The following GRIA3 variants were observed in gnomAD, a reference collection of about 807,000 sequenced individuals.
GRIA3 encodes glutamate ionotropic receptor AMPA type subunit 3.
In GRIA3, 3 loss-of-function variants were observed where a neutral mutation model predicts 63.0. The ratio of observed to expected loss-of-function variants is 0.05; its 90% CI spans 0.02 to 0.12. The LOEUF (loss-of-function observed/expected upper bound fraction) is 0.12. GRIA3 is among the 10% of genes least tolerant of loss of function. GRIA3 has a pLI of 1.00. For missense variants in GRIA3, 347 were observed against 700.9 expected, an observed-to-expected ratio of 0.50 and a Z score of 5.70; for synonymous variants, 274 against 257.9, an observed-to-expected ratio of 1.06 and a Z score of -0.60.
chrX:123,344,665 G>C (rs775604010), intron 4 of GRIA3, among the ~76,000 whole-genome samples: 1 of 111,480 alleles, frequency 9.0e-6, no homozygotes, highest in South Asian at 3.9e-4. Flanking sequence ...GGAGAGTCCT[G>C]GTTAAAACAA....
chrX:123,455,940 T>A (rs1207074875), intron 12 of GRIA3, among the ~76,000 whole-genome samples: 1 of 111,682 alleles, frequency 9.0e-6, no homozygotes, highest in East Asian at 2.8e-4. Context: ...ATTTCTGTAT[T>A]GGAGACTCTT....
chrX:123,412,873 T>C (rs924050728), intron 10 of GRIA3, among the ~76,000 whole-genome samples: 1 of 109,165 alleles, frequency 9.2e-6, no homozygotes, highest in Non-Finnish European at 1.9e-5. Flanking sequence ...CTCCAAAACA[T>C]AGACAAATTC....
At chrX:123,320,028 T>C (rs1486517739) in intron 3 of GRIA3, among the ~76,000 whole-genome samples, 1 of 111,561 alleles carries the variant, frequency 9.0e-6, no homozygotes, top group East Asian at 2.8e-4. Context: ...CTTCCTAGGG[T>C]AACTGTAATG....
At position 123,482,978 on chromosome X, in the gene GRIA3, C is replaced by A; in HGVS notation, c.2619C>A (p.Asn873Lys). The A allele has an allele frequency of 8.3e-7, 1 of 1,204,799 alleles. No individual in the cohort carries two copies. Among genetic ancestry groups the A allele is most frequent in the Non-Finnish European group, 1.1e-6 (1 of 889,193 alleles). The change falls in exon 15 of 16, where the codon AAC becomes AAA. Residue 873 changes from asparagine to lysine, a missense_variant. This residue lies in a region of GRIA3 where 29 missense variants were observed against 46.7 expected (regional missense o/e 0.62). Coordinates refer to ENST00000620443, the MANE Select transcript of GRIA3 (RefSeq NM_007325.5). Reference sequence around the variant, plus strand: ...ACTTTAAGCCTGCTCCTGCCACCAACACTCAGAATTATGCTACATACAGAG... The same window carrying A: ...ACTTTAAGCCTGCTCCTGCCACCAAAACTCAGAATTATGCTACATACAGAG... ...TQNFKPAPAT[N>K]TQNYATYREG...
intron 3 of GRIA3, among the ~76,000 whole-genome samples, chrX:123,273,894 T>C (rs1481026242): frequency 8.9e-6 from 1 of 112,234 alleles, no homozygotes; most frequent in Non-Finnish European, 1.9e-5. Flanking sequence ...TGCTGATTAA[T>C]GGCTCAATAT....
At position 123,449,423 on chromosome X, in the gene GRIA3, A is replaced by T. The variant is rs777535654; in HGVS notation, c.2077-15442A>T. Among the ~76,000 whole-genome samples, 4 of 112,343 alleles carry T rather than the reference A, an allele frequency of 3.6e-5. No individual in the cohort carries two copies. The South Asian group carries it at 1.5e-3, about 42-fold the overall frequency. ...AAGATTAGTGGAACCTAATCATTTC[A>T]TGAAGTCAACCTCACTTGCTGCACT... On this transcript the variant is annotated intron_variant, in intron 12 of 15. Transcript: ENST00000620443.
At chrX:123,190,465 G>A (rs1180863739) in intron 2 of GRIA3, among the ~76,000 whole-genome samples, 1 of 110,762 alleles carries the variant, frequency 9.0e-6, no homozygotes, top group African/African-American at 3.3e-5. Flanking sequence ...GGCGGGGGAG[G>A]GAAGAAGCTG....
At chrX:123,426,151 G>A (rs1232168012) in intron 11 of GRIA3, among the ~76,000 whole-genome samples, 2 of 111,459 alleles carry the variant, frequency 1.8e-5, no homozygotes, top group Non-Finnish European at 3.8e-5. Flanking sequence ...CTGGGCATGG[G>A]AGAACATAGC....
intron 5 of GRIA3, among the ~76,000 whole-genome samples, chrX:123,363,368 A>T (rs2045189478): frequency 8.9e-6 from 1 of 112,686 alleles, no homozygotes; most frequent in South Asian, 3.7e-4. Flanking sequence ...ACTCCACATC[A>T]TACCTTGAAA....
At chrX:123,353,325 G>A (rs143835625) in intron 4 of GRIA3, among the ~76,000 whole-genome samples, 1,355 of 111,927 alleles carry the variant, frequency 0.012, 22 homozygotes, top group African/African-American at 0.042. Flanking sequence ...GAGGCAAATG[G>A]ACCCAGATTC....
chrX:123,216,811 G>C (rs1928170002), intron 2 of GRIA3, among the ~76,000 whole-genome samples: 1 of 111,641 alleles, frequency 9.0e-6, no homozygotes. Context: ...GATTTTCTTC[G>C]AGAAATGTGT....
At chrX:123,431,947 C>CT (rs199892354) in intron 12 of GRIA3, among the ~76,000 whole-genome samples, 2 of 107,680 alleles carry the variant, frequency 1.9e-5, no homozygotes, top group East Asian at 2.9e-4. Flanking sequence ...TATAGATTTA[C>CT]TTTTTTTTTT....
rs748287515 is a variant in GRIA3, at chrX:123,259,511, G to GCA, written c.508+5970_508+5971insAC. Reference sequence around the variant, plus strand: ...TCTCTCTACACACACACTCATGCGCGCGCACACACACACACACACCTCAAT... The same window carrying GCA: ...TCTCTCTACACACACACTCATGCGCGCACGCACACACACACACACACCTCAAT... On this transcript the variant is annotated intron_variant, in intron 3 of 15. Coordinates refer to ENST00000620443, the MANE Select transcript of GRIA3 (RefSeq NM_007325.5). Among the ~76,000 whole-genome samples, 169 of 107,285 alleles carry GCA rather than the reference G, an allele frequency of 1.6e-3. 1 individual carries two copies. Among genetic ancestry groups the GCA allele is most frequent in the Non-Finnish European group, 2.8e-3 (145 of 51,731 alleles). 93.2% of individuals were successfully genotyped at this position (107,285 alleles called of 115,157 possible).
chrX:123,277,386 T>C (rs2044560996), intron 3 of GRIA3, among the ~76,000 whole-genome samples: 1 of 111,575 alleles, frequency 9.0e-6, no homozygotes, highest in Non-Finnish European at 1.9e-5. Context: ...TCCTACAAAC[T>C]TTTCAGCAGA....
At chrX:123,456,824 G>A (rs1373068475) in intron 12 of GRIA3, among the ~76,000 whole-genome samples, 1 of 111,583 alleles carries the variant, frequency 9.0e-6, no homozygotes, top group Non-Finnish European at 1.9e-5. Context: ...GAATGTTAGA[G>A]AAGGCACACA....
At chrX:123,240,136 C>G (rs1402263449) in intron 2 of GRIA3, among the ~76,000 whole-genome samples, 3 of 111,330 alleles carry the variant, frequency 2.7e-5, no homozygotes, top group Non-Finnish European at 5.7e-5. Flanking sequence ...GCAGTGCAAC[C>G]CTGAAACATC....
chrX:123,299,705 T>C (rs990135940), intron 3 of GRIA3, among the ~76,000 whole-genome samples: 1 of 111,208 alleles, frequency 9.0e-6, no homozygotes, highest in Non-Finnish European at 1.9e-5. Context: ...CTCTTCCTAT[T>C]TGGATGCCCT....
At chrX:123,317,726 T>G (rs773205164) in intron 3 of GRIA3, among the ~76,000 whole-genome samples, 2 of 111,907 alleles carry the variant, frequency 1.8e-5, no homozygotes, top group East Asian at 5.7e-4. Context: ...TGGGCTAGTG[T>G]TGAGTGTCTG....
At chrX:123,397,593 C>T (rs1000736267) in intron 6 of GRIA3, among the ~76,000 whole-genome samples, 2 of 111,972 alleles carry the variant, frequency 1.8e-5, no homozygotes, top group African/African-American at 6.5e-5. Flanking sequence ...ACATATGTCC[C>T]CTGTTACAGT....
Sources: allele counts gnomAD v4.1 joint callset (sites outside exome capture counted in the v4.1 genomes callset), GRCh38; gene constraint gnomAD v4.1.1; regional missense constraint gnomAD v4.1.1; transcripts MANE v1.5; gene names NCBI Gene and HGNC (gene_info 2026-07-23, HGNC 2026-07-21).